Variants in SP100 observed in about 807,000 individuals in gnomAD.
SP100 encodes the protein nuclear autoantigen Sp-100.
A neutral mutation model predicts 130.0 loss-of-function variants in SP100; 84 were observed. The observed-to-expected ratio is 0.65, with a 90% CI of 0.54 to 0.77. The LOEUF (loss-of-function observed/expected upper bound fraction) is 0.77, where lower values mean the gene tolerates loss of function less well. SP100 is among the 30% of genes least tolerant of loss of function. The pLI, the probability that SP100 is intolerant of heterozygous loss-of-function variation, is 0.00. For missense variants in SP100, 978 were observed against 1,052.2 expected (o/e 0.93, Z 0.97); for synonymous variants, 331 against 351.7 (o/e 0.94, Z 0.66).
chr2:230,431,588 C>T (rs1489009044), intron 2 of SP100, among the ~76,000 whole-genome samples: 1 of 152,128 alleles, frequency 6.6e-6, no homozygotes, highest in East Asian at 1.9e-4. Context: ...AGCCAGAAAC[C>T]TCCTATTCTG....
At chr2:230,451,927 C>T (rs115415558) in intron 8 of SP100, among the ~76,000 whole-genome samples, 26 of 152,260 alleles carry the variant, frequency 1.7e-4, no homozygotes, top group Non-Finnish European at 2.8e-4. Flanking sequence ...ATTCTTGGCA[C>T]CTTTGTTGAA....
At chr2:230,428,520 G>T (rs2063005049) in intron 2 of SP100, among the ~76,000 whole-genome samples, 1 of 151,282 alleles carries the variant, frequency 6.6e-6, no homozygotes, top group Non-Finnish European at 1.5e-5. Flanking sequence ...TCAGCTCACT[G>T]CAAACTCCAC....
At chr2:230,460,317 G>A (rs1446485970) in intron 8 of SP100, among the ~76,000 whole-genome samples, 4 of 152,068 alleles carry the variant, frequency 2.6e-5, no homozygotes, top group East Asian at 3.9e-4. Context: ...TATACAAAAC[G>A]AATACAGATG....
chr2:230,454,513 A>C (rs1298518987), intron 8 of SP100, among the ~76,000 whole-genome samples: 4 of 152,236 alleles, frequency 2.6e-5, no homozygotes, highest in African/African-American at 9.6e-5. Flanking sequence ...TCAAGATTTA[A>C]AAAATTTTTT....
Position 230,470,051 on chromosome 2 carries a change from G to T in SP100, c.1382G>T (p.Gly461Val). Residue 461 changes from glycine to valine, a missense_variant, in exon 15 of 29, where the codon GGA becomes GTA. By Grantham distance (109) the Gly-to-Val change is moderately radical. Coordinates refer to ENST00000340126, the MANE Select transcript of SP100 (RefSeq NM_001080391.2). Reference sequence around the variant, plus strand: ...AGTGACTTTTCAGACCTGAGTAATGGAGAAGAGCTTCAGGAAACCTGCAGC... The same window carrying T: ...AGTGACTTTTCAGACCTGAGTAATGTAGAAGAGCTTCAGGAAACCTGCAGC... ...SSSDFSDLSN[G>V]EELQETCSSS... 6.2e-7 allele frequency: 1 copy of T among 1,612,584 alleles called. No individual in the cohort carries two copies. Among genetic ancestry groups the T allele is most frequent in the South Asian group, 1.1e-5 (1 of 90,776 alleles).
At chr2:230,529,134 T>G (rs1479640232) in intron 24 of SP100, among the ~76,000 whole-genome samples, 1 of 152,130 alleles carries the variant, frequency 6.6e-6, no homozygotes, top group Non-Finnish European at 1.5e-5. Context: ...AAAAAGAGAA[T>G]TTTGGGCCAA....
intron 24 of SP100, among the ~76,000 whole-genome samples, chr2:230,530,821 C>T (rs1397644467): frequency 6.6e-6 from 1 of 152,160 alleles, no homozygotes; most frequent in Non-Finnish European, 1.5e-5. Context: ...TGAAAAAATG[C>T]TCATCATCTC....
intron 24 of SP100, among the ~76,000 whole-genome samples, chr2:230,526,942 C>T (rs748074893): frequency 2.0e-5 from 3 of 152,114 alleles, no homozygotes; most frequent in Admixed American, 6.6e-5. Flanking sequence ...ACCAAACCTA[C>T]GTTTGATTAG....
intron 2 of SP100, among the ~76,000 whole-genome samples, chr2:230,436,839 C>T (rs1182277060): frequency 7.9e-5 from 12 of 151,674 alleles, no homozygotes; most frequent in Non-Finnish European, 1.6e-4. Flanking sequence ...GCTAAAGCTT[C>T]TAAAATATGT....
Position 230,543,483 on chromosome 2 carries a change from T to C in SP100, c.*537T>C, listed in dbSNP as rs1692243778. 1 of 152,124 alleles carries C rather than the reference T, an allele frequency of 6.6e-6. No individual in the cohort carries two copies. The highest frequency in any genetic ancestry group is 2.4e-5 in the African/African-American group (1 of 41,420). The allele number at this position is 152,124 out of a possible 1,614,324, so 9.4% of individuals were successfully genotyped here. On this transcript the variant is annotated 3_prime_UTR_variant, in exon 29 of 29. Transcript: ENST00000340126. ...TGTTTCAGAATACAAAATTAGTATA[T>C]GAAAATTACTAGTATTCCTATACAC...
rs367869745 is a variant in SP100 at position 230,504,313 on chromosome 2, G to T, written c.1870+23G>T. 19 of 1,348,024 alleles carry T rather than the reference G, an allele frequency of 1.4e-5. No individual in the cohort carries two copies. The African/African-American group carries it at 2.6e-4, about 18-fold the overall frequency. 83.5% of individuals were successfully genotyped at this position (1,348,024 alleles called of 1,614,324 possible). A position where few individuals can be genotyped will look rare whatever the true frequency, so the allele number is the denominator to read the frequency against. On this transcript the variant is annotated intron_variant, in intron 21 of 28. Transcript: ENST00000340126. The stretch of plus-strand genomic sequence containing the variant: ...AAGGTGAGTTTACTGGTCCATCTAC[G>T]ATTTTCAGCTGGAAAATATCCACAC...
At chr2:230,505,395 C>T (rs953695731) in intron 21 of SP100, among the ~76,000 whole-genome samples, 2 of 152,156 alleles carry the variant, frequency 1.3e-5, no homozygotes, top group Non-Finnish European at 2.9e-5. Flanking sequence ...TCTGTTTAGC[C>T]TTCTGCTAAA....
At position 230,426,053 on chromosome 2, in the gene SP100, A is replaced by G. The variant is rs560872102; in HGVS notation, c.107+8388A>G. Among the ~76,000 whole-genome samples the G allele has an allele frequency of 1.4e-4, 21 of 152,208 alleles. No homozygotes were observed. In the East Asian group the frequency reaches 4.0e-3, roughly 29 times the overall value. ...TGTTGATGTATAATTGTTCATAGTA[A>G]TCTCACGATTCTTTGCATTATCATG... is the stretch of plus-strand genomic sequence containing the variant. On this transcript the variant is annotated intron_variant, in intron 2 of 28. Transcript: ENST00000340126.
chr2:230,498,585 C>T, intron 19 of SP100, 50 bp downstream of exon 19: 5 of 1,043,728 alleles, frequency 4.8e-6, no homozygotes, highest in Non-Finnish European at 6.5e-6. Flanking sequence ...AATTCTCATG[C>T]TCTTAGTAAG....
intron 21 of SP100, 61 bp from the exon 22 acceptor site, chr2:230,506,242 G>A: frequency 6.3e-7 from 1 of 1,593,558 alleles, no homozygotes; most frequent in Non-Finnish European, 8.6e-7. Flanking sequence ...CCCCAGCATG[G>A]GGGGAGGCCA....
chr2:230,483,561 G>A (rs1213664947), intron 17 of SP100, among the ~76,000 whole-genome samples: 2 of 152,180 alleles, frequency 1.3e-5, no homozygotes, highest in Non-Finnish European at 2.9e-5. Flanking sequence ...ATTACGTTGT[G>A]AGAACTTCCT....
At chr2:230,467,033 C>G (rs2064996507) in intron 12 of SP100, 87 bp from the exon 13 acceptor site, 1 of 905,316 alleles carries the variant, frequency 1.1e-6, no homozygotes, top group Admixed American at 1.9e-5. Flanking sequence ...ACAAATTTTC[C>G]TAGTTTCCTT....
At chr2:230,420,147 A>G (rs1005365404) in intron 2 of SP100, among the ~76,000 whole-genome samples, 1 of 152,198 alleles carries the variant, frequency 6.6e-6, no homozygotes, top group Non-Finnish European at 1.5e-5. Context: ...TTAAAATTGT[A>G]TTTGTAAACA....
chr2:230,510,956 T>C (rs2150082908), intron 23 of SP100, 169 bp from the exon 24 acceptor site: 1 of 655,052 alleles, frequency 1.5e-6, no homozygotes, highest in African/African-American at 1.8e-5. Flanking sequence ...TGACACATAA[T>C]TTAGTGCTTT....
Sources: gnomAD v4.1 joint callset for allele counts (sites outside exome capture counted in the v4.1 genomes callset) on GRCh38, gnomAD v4.1.1 for gene constraint, MANE v1.5 for transcripts, NCBI Gene and HGNC (gene_info 2026-07-23, HGNC 2026-07-21) for gene names.